The following SFMBT1 variants were observed in gnomAD, a reference collection of about 807,000 sequenced individuals.
SFMBT1 encodes the protein scm-like with four MBT domains protein 1.
SFMBT1 carries 32 observed loss-of-function variants against 108.7 expected under a neutral mutation model. That is an observed-to-expected ratio of 0.29 (90% CI 0.22 to 0.40). The LOEUF (loss-of-function observed/expected upper bound fraction) is 0.40, where lower values mean the gene tolerates loss of function less well. Among genes scored for constraint, SFMBT1 ranks in the 10% least tolerant of loss-of-function variants. SFMBT1 has a pLI of 1.00. For missense variants in SFMBT1, 816 were observed against 1,059.6 expected, an observed-to-expected ratio of 0.77 and a Z score of 3.19; for synonymous variants, 348 against 369.5, an observed-to-expected ratio of 0.94 and a Z score of 0.67.
intron 3 of SFMBT1, among the ~76,000 whole-genome samples, chr3:52,954,100 G>A (rs1294669287): frequency 6.6e-6 from 1 of 151,750 alleles, no homozygotes; most frequent in Non-Finnish European, 1.5e-5. Context: ...ACTCCAGCCT[G>A]GGCGACAAAG....
At chr3:53,024,609 G>A (rs765318392) in intron 1 of SFMBT1, among the ~76,000 whole-genome samples, 4 of 152,224 alleles carry the variant, frequency 2.6e-5, no homozygotes, top group Admixed American at 6.5e-5. Flanking sequence ...AAGTAACAGG[G>A]AAGACAGCTA....
intron 1 of SFMBT1, among the ~76,000 whole-genome samples, chr3:53,007,277 A>G (rs546743824): frequency 9.2e-5 from 14 of 152,386 alleles, no homozygotes; most frequent in African/African-American, 3.1e-4. Context: ...CTAGGTAGGA[A>G]AAAGGAAAAA....
rs529150005 is a variant in SFMBT1 at position 52,945,581 on chromosome 3, G to A, written c.124-1988C>T. Among the ~76,000 whole-genome samples the A allele has an allele frequency of 3.3e-5, 5 of 152,200 alleles. No individual in the cohort carries two copies. The East Asian group carries it at 5.8e-4, about 18-fold the overall frequency. On this transcript the variant is annotated intron_variant, in intron 3 of 20. Coordinates refer to ENST00000394752, the MANE Select transcript of SFMBT1 (RefSeq NM_016329.4). ...CCAGTACTTTGGGAGGCCGAGGCAGGTGGATCACGAGGTCAGGAGATCGAG... is the reference window on the plus strand; with the variant it reads ...CCAGTACTTTGGGAGGCCGAGGCAGATGGATCACGAGGTCAGGAGATCGAG...
At chr3:52,939,224 T>C (rs889364155) in intron 4 of SFMBT1, among the ~76,000 whole-genome samples, 7 of 152,224 alleles carry the variant, frequency 4.6e-5, no homozygotes, top group African/African-American at 1.7e-4. Context: ...CCTACATACA[T>C]AGTAATCCCT....
rs909861262 is a variant in SFMBT1 at position 52,954,193 on chromosome 3, A to G, written c.123+124T>C. ...TTCTTACTAAGGGTGGCAGGAGGAA[A>G]GAAAAAGCTCTTAAATTACTTCAAG... On this transcript the variant is annotated intron_variant, in intron 3 of 20. Transcript: ENST00000394752. 1.4e-5 allele frequency: 10 copies of G among 711,620 alleles called. No homozygotes were observed. In the African/African-American group the frequency reaches 1.9e-4, roughly 13 times the overall value. 44.1% of individuals were successfully genotyped at this position (711,620 alleles called of 1,614,324 possible).
intron 1 of SFMBT1, chr3:53,019,153 A>G (rs2106939820): frequency 6.6e-6 from 1 of 152,078 alleles, no homozygotes; most frequent in East Asian, 1.9e-4. Context: ...AATTAACTGG[A>G]TGTGGTGGCC....
intron 4 of SFMBT1, among the ~76,000 whole-genome samples, chr3:52,942,561 G>A (rs1703218555): frequency 6.6e-6 from 1 of 152,228 alleles, no homozygotes; most frequent in Non-Finnish European, 1.5e-5. Context: ...CACCCAGGCT[G>A]GAGTGCAGTG....
Position 52,997,690 on chromosome 3 carries a change from A to G in SFMBT1, c.-130-28432T>C, listed in dbSNP as rs1698387263. 2.7e-5 allele frequency among the ~76,000 whole-genome samples: 4 copies of G among 150,644 alleles called. No individual in the cohort carries two copies. In the South Asian group the frequency reaches 6.3e-4, roughly 24 times the overall value. On this transcript the variant is annotated intron_variant, in intron 1 of 20. Coordinates refer to ENST00000394752, the MANE Select transcript of SFMBT1 (RefSeq NM_016329.4). ...GATTCTATTTATGTGAAATTTCTAG[A>G]AAAGGCAAAATTGTATAGAAAATAC...
chr3:53,041,053 A>T lies in SFMBT1; in HGVS notation c.-131+4763T>A, dbSNP rs563267630. Among the ~76,000 whole-genome samples the T allele has an allele frequency of 1.1e-4, 14 of 127,096 alleles. No homozygotes were observed. In the Admixed American group the frequency reaches 1.4e-3, roughly 13 times the overall value. 83.4% of individuals were successfully genotyped at this position (127,096 alleles called of 152,430 possible). A position where few individuals can be genotyped will look rare whatever the true frequency, so the allele number is the denominator to read the frequency against. ...GTCCAGGCTGGTATCAAACTCCTGGACTCCAGAGATCTGCCTGCCTTGGTC... is the reference window on the plus strand; with the variant it reads ...GTCCAGGCTGGTATCAAACTCCTGGTCTCCAGAGATCTGCCTGCCTTGGTC... On this transcript the variant is annotated intron_variant, in intron 1 of 20. Coordinates refer to ENST00000394752, the MANE Select transcript of SFMBT1 (RefSeq NM_016329.4).
intron 14 of SFMBT1, 144 bp downstream of exon 14, chr3:52,916,006 A>C: frequency 1.6e-6 from 1 of 609,176 alleles, no homozygotes; most frequent in Non-Finnish European, 2.9e-6. Flanking sequence ...CATCTTAGAC[A>C]GTTATAACTC....
At chr3:52,946,776 C>T (rs1298541460) in intron 3 of SFMBT1, among the ~76,000 whole-genome samples, 1 of 145,242 alleles carries the variant, frequency 6.9e-6, no homozygotes, top group Admixed American at 6.9e-5. Flanking sequence ...TGCTCCATTC[C>T]TTTTTTTTTT....
chr3:52,918,427 T>C, intron 13 of SFMBT1, 57 bp downstream of exon 13: 2 of 1,335,058 alleles, frequency 1.5e-6, no homozygotes, highest in African/African-American at 1.5e-5. Flanking sequence ...CCCTCTGAAA[T>C]AGTTATTTTT....
At chr3:53,001,406 TGACA>T (rs930713634) in intron 1 of SFMBT1, among the ~76,000 whole-genome samples, 2 of 149,602 alleles carry the variant, frequency 1.3e-5, no homozygotes, top group African/African-American at 4.9e-5. Context: ...TTAGCTTGCA[TGACA>T]GAGTGAGACT....
At chr3:52,971,653 C>T (rs1704347863) in intron 1 of SFMBT1, among the ~76,000 whole-genome samples, 2 of 152,034 alleles carry the variant, frequency 1.3e-5, no homozygotes, top group Non-Finnish European at 2.9e-5. Context: ...TTTTCAACTG[C>T]AGGGAGACAA....
intron 9 of SFMBT1, 51 bp from the exon 10 acceptor site, chr3:52,926,164 T>A: frequency 6.5e-7 from 1 of 1,537,168 alleles, no homozygotes; most frequent in Non-Finnish European, 8.9e-7. Context: ...CACATACGCC[T>A]GCCTGGCTTC....
chr3:52,905,299 T>A, intron 20 of SFMBT1, 23 bp from the exon 21 acceptor site: 1 of 1,609,112 alleles, frequency 6.2e-7, no homozygotes. Context: ...AAAAGACAAA[T>A]TATCTGTGAT....
At chr3:52,982,499 C>T (rs1454740825) in intron 1 of SFMBT1, among the ~76,000 whole-genome samples, 1 of 151,970 alleles carries the variant, frequency 6.6e-6, no homozygotes, top group Non-Finnish European at 1.5e-5. Flanking sequence ...GAGGCTGAGG[C>T]GGGCGGATCA....
At chr3:52,943,182 A>T (rs1208557737) in intron 4 of SFMBT1, among the ~76,000 whole-genome samples, 171 bp downstream of exon 4, 41 of 152,234 alleles carry the variant, frequency 2.7e-4, no homozygotes, top group Admixed American at 2.7e-3. Flanking sequence ...AATAATTTTA[A>T]AAGACAGGGA....
chr3:52,985,763 G>A (rs946773538), intron 1 of SFMBT1, among the ~76,000 whole-genome samples: 17 of 152,184 alleles, frequency 1.1e-4, no homozygotes, highest in African/African-American at 4.1e-4. Flanking sequence ...CTACAAACCT[G>A]TAGGCAACTG....
Sources: gnomAD v4.1 joint callset for allele counts (sites outside exome capture counted in the v4.1 genomes callset) on GRCh38, gnomAD v4.1.1 for gene constraint, MANE v1.5 for transcripts, NCBI Gene and HGNC (gene_info 2026-07-23, HGNC 2026-07-21) for gene names.